The following CTNNA3 variants were observed in gnomAD, a reference collection of about 807,000 sequenced individuals.
CTNNA3 encodes catenin alpha-3.
In CTNNA3, 76 loss-of-function variants were observed where a neutral mutation model predicts 95.7. That is an observed-to-expected ratio of 0.79 (90% CI 0.66 to 0.96). The LOEUF (loss-of-function observed/expected upper bound fraction) is 0.96. CTNNA3 is among the 40% of genes least tolerant of loss of function. The pLI is 0.00. For synonymous variants in CTNNA3, 431 were observed against 374.4 expected (o/e 1.15, Z -1.74); for missense variants, 1,191 against 1,089.8 (o/e 1.09, Z -1.31).
rs537935161 is a variant in CTNNA3 at position 66,330,357 on chromosome 10, A to G, written c.1732+48795T>C. ...TCCTTGCCATAGTTTGCTAAGAATG[A>G]TGGTTTCCAGCTTCATCCATGTCCC... On this transcript the variant is annotated intron_variant, in intron 12 of 17. Coordinates refer to ENST00000433211, the MANE Select transcript of CTNNA3 (RefSeq NM_013266.4). Among the ~76,000 whole-genome samples the G allele has an allele frequency of 4.3e-4, 65 of 152,000 alleles. 1 individual carries two copies. Among genetic ancestry groups the G allele is most frequent in the Non-Finnish European group, 8.1e-4 (55 of 67,954 alleles).
At chr10:67,489,061 T>A (rs747718536) in intron 5 of CTNNA3, among the ~76,000 whole-genome samples, 4 of 152,170 alleles carry the variant, frequency 2.6e-5, no homozygotes, top group Non-Finnish European at 5.9e-5. Flanking sequence ...TTTATAGTAC[T>A]TGATTATTTT....
chr10:66,437,842 C>T (rs537664176), intron 11 of CTNNA3, among the ~76,000 whole-genome samples: 1 of 152,076 alleles, frequency 6.6e-6, no homozygotes, highest in African/African-American at 2.4e-5. Context: ...ATTTATCTAC[C>T]TTTGGTCTTT....
chr10:66,314,383 C>A (rs2092069496), intron 12 of CTNNA3, among the ~76,000 whole-genome samples: 1 of 150,374 alleles, frequency 6.7e-6, no homozygotes, highest in Non-Finnish European at 1.5e-5. Context: ...TTATAGGTAG[C>A]AAAAATTAAT....
chr10:66,052,897 T>G (rs1056034690), intron 15 of CTNNA3, among the ~76,000 whole-genome samples: 2 of 152,124 alleles, frequency 1.3e-5, no homozygotes, highest in African/African-American at 4.8e-5. Context: ...AGGTTGAGGA[T>G]AAGGTATTAC....
At chr10:66,867,895 C>CAA (rs74889073) in intron 7 of CTNNA3, among the ~76,000 whole-genome samples, 53 of 132,210 alleles carry the variant, frequency 4.0e-4, no homozygotes, top group African/African-American at 8.3e-4. Context: ...AAGGCACTAC[C>CAA]AAAAAAAAAA....
chr10:67,479,125 C>T (rs77524128), intron 5 of CTNNA3, among the ~76,000 whole-genome samples: 2,586 of 152,120 alleles, frequency 0.017, 76 homozygotes, highest in African/African-American at 0.057. Context: ...CTAGACCTAC[C>T]AAAAGACTTA....
chr10:66,460,323 T>G (rs535095514), intron 11 of CTNNA3, among the ~76,000 whole-genome samples: 1 of 152,334 alleles, frequency 6.6e-6, no homozygotes, highest in Non-Finnish European at 1.5e-5. Flanking sequence ...CTATACCATC[T>G]ACTTTACCTG....
chr10:67,347,182 T>C (rs1842452603), intron 5 of CTNNA3, among the ~76,000 whole-genome samples: 1 of 151,934 alleles, frequency 6.6e-6, no homozygotes, highest in Non-Finnish European at 1.5e-5. Context: ...CCCAAGTAGC[T>C]GGGACTATGG....
At chr10:67,009,436 T>G (rs915919720) in intron 7 of CTNNA3, among the ~76,000 whole-genome samples, 1 of 152,166 alleles carries the variant, frequency 6.6e-6, no homozygotes, top group Non-Finnish European at 1.5e-5. Context: ...CGTGTTTCTC[T>G]CCCATTTCTC....
intron 9 of CTNNA3, among the ~76,000 whole-genome samples, chr10:66,642,617 G>T (rs1363844698): frequency 6.6e-6 from 1 of 151,686 alleles, no homozygotes; most frequent in Non-Finnish European, 1.5e-5. Flanking sequence ...TCCAAACAAG[G>T]TACTAAATAT....
chr10:67,686,156 G>C (rs1268126050), intron 1 of CTNNA3, among the ~76,000 whole-genome samples: 3 of 152,216 alleles, frequency 2.0e-5, no homozygotes, highest in Non-Finnish European at 2.9e-5. Flanking sequence ...TGTAGGATTA[G>C]ATAAGCATAC....
intron 7 of CTNNA3, among the ~76,000 whole-genome samples, chr10:66,952,110 A>G (rs1848566669): frequency 1.3e-5 from 2 of 152,162 alleles, no homozygotes; most frequent in Admixed American, 6.5e-5. Flanking sequence ...TCTCCCCCCA[A>G]TATTTTTAAG....
At chr10:67,387,425 G>A (rs1177161519) in intron 5 of CTNNA3, among the ~76,000 whole-genome samples, 2 of 152,098 alleles carry the variant, frequency 1.3e-5, no homozygotes, top group African/African-American at 2.4e-5. Context: ...ACGGAGTCTC[G>A]CTGATTGCTA....
chr10:66,197,879 T>C (rs868698177), intron 13 of CTNNA3, among the ~76,000 whole-genome samples: 2 of 151,880 alleles, frequency 1.3e-5, no homozygotes, highest in Middle Eastern at 3.4e-3. Flanking sequence ...CTTGAAAAAA[T>C]AAAAATTTCA....
intron 7 of CTNNA3, among the ~76,000 whole-genome samples, chr10:67,035,406 G>A (rs1301606185): frequency 2.6e-5 from 4 of 152,096 alleles, no homozygotes; most frequent in East Asian, 1.9e-4. Context: ...ATTTATATGC[G>A]TTATTTAAAG....
In CTNNA3 at chr10:67,387,765, C is replaced by A. The variant is rs180875354; in HGVS notation, c.579+134077G>T. The stretch of plus-strand genomic sequence containing the variant: ...GGGTCCCTGACCCCTGACCTCTGAG[C>A]AGCCTAACTGGGAGGCACCCTCCAG... On this transcript the variant is annotated intron_variant, in intron 5 of 17. Coordinates refer to ENST00000433211, the MANE Select transcript of CTNNA3 (RefSeq NM_013266.4). 4.6e-3 allele frequency among the ~76,000 whole-genome samples: 697 copies of A among 152,344 alleles called. 20 individuals carry two copies. The highest frequency in any genetic ancestry group is 0.033 in the East Asian group (171 of 5,172).
intron 7 of CTNNA3, among the ~76,000 whole-genome samples, chr10:67,171,613 C>G (rs182633938): frequency 1.3e-5 from 2 of 151,660 alleles, no homozygotes; most frequent in African/African-American, 4.8e-5. Flanking sequence ...TTGACCAGGC[C>G]TGGTAGTGCA....
At chr10:67,446,381 C>T (rs532176813) in intron 5 of CTNNA3, among the ~76,000 whole-genome samples, 31 of 152,238 alleles carry the variant, frequency 2.0e-4, no homozygotes, top group African/African-American at 6.7e-4. Flanking sequence ...CTTCTAAAAC[C>T]CCAAAGGAAT....
chr10:67,174,556 G>C (rs1253157549), intron 7 of CTNNA3, among the ~76,000 whole-genome samples: 2 of 152,076 alleles, frequency 1.3e-5, no homozygotes, highest in Non-Finnish European at 2.9e-5. Context: ...AAAAATAATA[G>C]CTGAAACAAT....
Sources: gnomAD v4.1 joint callset for allele counts (sites outside exome capture counted in the v4.1 genomes callset) on GRCh38, gnomAD v4.1.1 for gene constraint, MANE v1.5 for transcripts, NCBI Gene and HGNC (gene_info 2026-07-23, HGNC 2026-07-21) for gene names.